Variants in GMFB observed in about 807,000 individuals in gnomAD.
GMFB encodes GMF-beta.
In GMFB, 13 loss-of-function variants were observed where a neutral mutation model predicts 25.6. The ratio of observed to expected loss-of-function variants is 0.51; its 90% CI spans 0.33 to 0.81. GMFB has a LOEUF of 0.81. GMFB is among the 30% of genes least tolerant of loss of function. The probability of loss-of-function intolerance (pLI) is 0.02; values close to 1 mark genes in which losing one functional copy is unlikely to be tolerated. For synonymous variants in GMFB, 57 were observed against 56.9 expected (o/e 1.00, Z 0.00); for missense variants, 146 against 175.4 (o/e 0.83, Z 0.95).
chr14:54,488,346 T>C (rs1447631824), intron 1 of GMFB, among the ~76,000 whole-genome samples: 4 of 152,212 alleles, frequency 2.6e-5, no homozygotes. Context: ...GCCAAAGCTT[T>C]GGGTCGAAAG....
intron 1 of GMFB, among the ~76,000 whole-genome samples, chr14:54,485,113 G>A (rs1216662260): frequency 6.6e-6 from 1 of 151,886 alleles, no homozygotes; most frequent in Non-Finnish European, 1.5e-5. Flanking sequence ...AAGTTCTGGA[G>A]TAAAACAAGG....
In GMFB at chr14:54,483,701, G is replaced by T; in HGVS notation, c.70C>A (p.Arg24Ser). The T allele has an allele frequency of 1.9e-6, 3 of 1,605,198 alleles. No individual in the cohort carries two copies. Among genetic ancestry groups the T allele is most frequent in the South Asian group, 1.1e-5 (1 of 90,816 alleles). Residue 24 changes from arginine (R) to serine (S), a missense_variant, in exon 2 of 7, where the codon CGC becomes AGC. By Grantham distance (110) the Arg-to-Ser change is moderately radical. Coordinates refer to ENST00000358056, the MANE Select transcript of GMFB (RefSeq NM_004124.3). Reference protein sequence around the residue: ...LVEKLRKFRFRKETNNAAIIM... With the variant: ...LVEKLRKFRFSKETNNAAIIM... ...ATAGCAGCGTTGTTCGTTTCTTTGC[G>T]AAAACGAAACTTTCTCAGCTTTTCC...
intron 1 of GMFB, among the ~76,000 whole-genome samples, chr14:54,485,196 AATAAAAGAC>A: frequency 6.6e-6 from 1 of 152,174 alleles, no homozygotes; most frequent in East Asian, 1.9e-4. Flanking sequence ...AAGAGAAAGA[AATAAAAGAC>A]ATCCAAGTTA....
chr14:54,486,849 T>G (rs1362180841), intron 1 of GMFB, among the ~76,000 whole-genome samples: 1 of 119,194 alleles, frequency 8.4e-6, no homozygotes, highest in African/African-American at 3.3e-5. Context: ...CTCACTCTCT[T>G]AACCACTACA....
At position 54,477,397 on chromosome 14, in the gene GMFB, T is replaced by TA. The variant is rs2031654455; in HGVS notation, c.*690dup. On this transcript the variant is annotated 3_prime_UTR_variant, in exon 7 of 7. Coordinates refer to ENST00000358056, the MANE Select transcript of GMFB (RefSeq NM_004124.3). Reference sequence around the variant, plus strand: ...GATTCAAAACTGTCTAGAAATGACATAAAAGGAATGAAGCCCTTGATTATT... The same window carrying TA: ...GATTCAAAACTGTCTAGAAATGACATAAAAAGGAATGAAGCCCTTGATTATT... 6.6e-6 allele frequency: 1 copy of TA among 152,390 alleles called. No individual in the cohort carries two copies. Among genetic ancestry groups the TA allele is most frequent in the Admixed American group, 6.6e-5 (1 of 15,244 alleles). The allele number at this position is 152,390 out of a possible 1,614,324, so 9.4% of individuals were successfully genotyped here.
intron 5 of GMFB, chr14:54,480,668 C>T (rs2031698578): frequency 1.7e-5 from 7 of 403,744 alleles, no homozygotes; most frequent in Non-Finnish European, 3.1e-5. Context: ...AGAAATTTAT[C>T]CTAAGAAAAT....
Position 54,478,010 on chromosome 14 carries a change from G to T in GMFB, c.*78C>A, listed in dbSNP as rs1555326844. 3.1e-6 allele frequency: 2 copies of T among 640,714 alleles called. No individual in the cohort carries two copies. The highest frequency in any genetic ancestry group is 2.2e-5 in the South Asian group (1 of 45,844). The allele number at this position is 640,714 out of a possible 1,614,324, so 39.7% of individuals were successfully genotyped here. On this transcript the variant is annotated 3_prime_UTR_variant, in exon 7 of 7. Transcript: ENST00000358056. Reference sequence around the variant, plus strand: ...AACTGTAAGTAACAGTGCATTTTTAGGCATAAATAAGTATTTATGTCTGAT... The same window carrying T: ...AACTGTAAGTAACAGTGCATTTTTATGCATAAATAAGTATTTATGTCTGAT...
At chr14:54,482,641 G>C (rs570528195) in intron 2 of GMFB, among the ~76,000 whole-genome samples, 3 of 152,288 alleles carry the variant, frequency 2.0e-5, no homozygotes, top group African/African-American at 7.2e-5. Flanking sequence ...CCAAGGTCAG[G>C]ATTTCATGGC....
chr14:54,487,667 C>T (rs1015076970), intron 1 of GMFB, among the ~76,000 whole-genome samples: 2 of 152,170 alleles, frequency 1.3e-5, no homozygotes, highest in Non-Finnish European at 2.9e-5. Flanking sequence ...GGGCCGAGAT[C>T]CCGCCATTGC....
At chr14:54,479,331 A>G (rs951570549) in intron 6 of GMFB, 2 of 152,372 alleles carry the variant, frequency 1.3e-5, no homozygotes, top group African/African-American at 4.8e-5. Context: ...TTCTCATATA[A>G]AACAGAATGT....
chr14:54,483,770 A>G lies in GMFB; in HGVS notation c.4-3T>C, dbSNP rs2031745303. On this transcript the variant is annotated splice_polypyrimidine_tract_variant and splice_region_variant and intron_variant, in intron 1 of 6. Transcript: ENST00000358056. ...TCACAAACAACCAAAGACTCACTCTATAAAAGAAAAAAAACACACATAAAA... is the reference window on the plus strand; with the variant it reads ...TCACAAACAACCAAAGACTCACTCTGTAAAAGAAAAAAAACACACATAAAA... 6.4e-7 allele frequency: 1 copy of G among 1,556,408 alleles called. No homozygotes were observed. Among genetic ancestry groups the G allele is most frequent in the South Asian group, 1.1e-5 (1 of 88,636 alleles).
In GMFB at chr14:54,480,929, T is replaced by C. The variant is rs1387830026; in HGVS notation, c.228A>G (p.Gln76=). The stretch of plus-strand genomic sequence containing the variant: ...GATATGAAACTCTTCCATCATCATG[T>C]TGATATTTATAACTATACACAATGA... The part of the protein sequence containing the change: ...PRFIVYSYKY[Q]HDDGRVSYPL... The change falls in exon 5 of 7, where the codon CAA becomes CAG. Residue 76 remains glutamine (Q), a synonymous_variant. Transcript: ENST00000358056. 4 of 1,526,194 alleles carry C rather than the reference T, an allele frequency of 2.6e-6. No homozygotes were observed. Among genetic ancestry groups the C allele is most frequent in the Non-Finnish European group, 3.6e-6 (4 of 1,107,752 alleles). 94.5% of individuals were successfully genotyped at this position (1,526,194 alleles called of 1,614,324 possible).
Position 54,475,738 on chromosome 14 carries a change from C to A in GMFB, c.*2350G>T, listed in dbSNP as rs563065044. ...GATGCTATGCAGAACTTATGCAGGG[C>A]CAAAAATTTCAAAACTAACACTGAC... On this transcript the variant is annotated 3_prime_UTR_variant, in exon 7 of 7. Coordinates refer to ENST00000358056, the MANE Select transcript of GMFB (RefSeq NM_004124.3). 4 of 152,410 alleles carry A rather than the reference C, an allele frequency of 2.6e-5. 1 individual carries two copies. Among genetic ancestry groups the A allele is most frequent in the African/African-American group, 9.6e-5 (4 of 41,472 alleles). The allele number at this position is 152,410 out of a possible 1,614,324, so 9.4% of individuals were successfully genotyped here.
chr14:54,481,737 T>C (rs1001983290), intron 3 of GMFB, among the ~76,000 whole-genome samples: 3 of 152,122 alleles, frequency 2.0e-5, no homozygotes, highest in Non-Finnish European at 4.4e-5. Flanking sequence ...AAATACTGAA[T>C]GACATAAGCC....
chr14:54,479,907 G>A (rs1403610805), intron 5 of GMFB, 48 bp from the exon 6 acceptor site: 12 of 1,040,126 alleles, frequency 1.2e-5, no homozygotes, highest in Non-Finnish European at 1.8e-5. Context: ...TTTTGAGAAA[G>A]GTATGGGTTA....
chr14:54,481,319 A>T, intron 4 of GMFB, 90 bp downstream of exon 4: 1 of 850,406 alleles, frequency 1.2e-6, no homozygotes, highest in Non-Finnish European at 2.0e-6. Context: ...ATGACACAGA[A>T]GGATACTTTT....
chr14:54,479,246 T>C (rs970051295), intron 6 of GMFB: 1 of 152,142 alleles, frequency 6.6e-6, no homozygotes, highest in Non-Finnish European at 1.5e-5. Flanking sequence ...TAAATAAAGT[T>C]TGAGAGCCAA....
At chr14:54,479,929 A>G in intron 5 of GMFB, 70 bp from the exon 6 acceptor site, 2 of 869,918 alleles carry the variant, frequency 2.3e-6, no homozygotes, top group Non-Finnish European at 3.8e-6. Context: ...CATTATTTTT[A>G]TTTTTTAAAA....
rs755502634 is a variant in GMFB, at chr14:54,482,185, T to C, written c.118A>G (p.Lys40Glu). The stretch of plus-strand genomic sequence containing the variant: ...TCCTCATCCAGTACCACCAGGCGTT[T>C]ATCCTTGTCAATCTTCACTAAAATA... ...AAIIMKIDKD[K>E]RLVVLDEELE... is the part of the protein sequence containing the mutation. Residue 40 changes from lysine (K) to glutamate (E), a missense_variant, in exon 3 of 7, where the codon AAA becomes GAA. Transcript: ENST00000358056. 4 of 1,605,148 alleles carry C rather than the reference T, an allele frequency of 2.5e-6. No homozygotes were observed. The Admixed American group carries it at 5.0e-5, about 20-fold the overall frequency.
Sources: allele counts gnomAD v4.1 joint callset (sites outside exome capture counted in the v4.1 genomes callset), GRCh38; gene constraint gnomAD v4.1.1; transcripts MANE v1.5; gene names NCBI Gene and HGNC (gene_info 2026-07-23, HGNC 2026-07-21).